Variants in NCAM2 observed in about 807,000 individuals in gnomAD.
NCAM2 encodes the protein N-CAM-2.
NCAM2 carries 30 observed loss-of-function variants against 98.1 expected under a neutral mutation model. The observed-to-expected ratio is 0.31, with a 90% CI of 0.23 to 0.41. The LOEUF (loss-of-function observed/expected upper bound fraction) is 0.41, where lower values mean the gene tolerates loss of function less well. NCAM2 is among the 10% of genes least tolerant of loss of function. NCAM2 has a pLI of 1.00. For synonymous variants in NCAM2, 368 were observed against 342.4 expected (o/e 1.07, Z -0.83); for missense variants, 867 against 1,005.8 (o/e 0.86, Z 1.87).
At chr21:21,450,249 A>G (rs972860704) in intron 12 of NCAM2, among the ~76,000 whole-genome samples, 15 of 151,956 alleles carry the variant, frequency 9.9e-5, no homozygotes, top group Non-Finnish European at 1.9e-4. Context: ...ATATATGTAT[A>G]TGTATGTATG....
chr21:21,452,762 T>C (rs233790), intron 12 of NCAM2, among the ~76,000 whole-genome samples: 3,416 of 101,872 alleles, frequency 0.034, 206 homozygotes, highest in African/African-American at 0.13. Flanking sequence ...TATATTACTT[T>C]ATGTATTAAA....
intron 16 of NCAM2, among the ~76,000 whole-genome samples, chr21:21,514,126 TA>T (rs1988564208): frequency 6.6e-6 from 1 of 150,866 alleles, no homozygotes; most frequent in East Asian, 1.9e-4. Flanking sequence ...CATAAACCTA[TA>T]TATGGTATAA....
chr21:21,061,354 T>C (rs2065317860), intron 1 of NCAM2, among the ~76,000 whole-genome samples: 2 of 152,306 alleles, frequency 1.3e-5, no homozygotes, highest in South Asian at 4.1e-4. Context: ...TGAACACATA[T>C]TTTCTGTCAT....
At chr21:21,385,553 G>T in intron 9 of NCAM2, 2 of 860,770 alleles carry the variant, frequency 2.3e-6, no homozygotes, top group South Asian at 1.4e-5. Context: ...CTAAACTTAA[G>T]GTGTTAGAAA....
chr21:21,194,824 A>G (rs1232046671), intron 1 of NCAM2, among the ~76,000 whole-genome samples: 1 of 152,212 alleles, frequency 6.6e-6, no homozygotes, highest in African/African-American at 2.4e-5. Flanking sequence ...CCTAACATCC[A>G]TCACCACTCA....
At chr21:21,505,831 G>A (rs947525739) in intron 15 of NCAM2, among the ~76,000 whole-genome samples, 5 of 151,940 alleles carry the variant, frequency 3.3e-5, no homozygotes, top group Admixed American at 2.0e-4. Flanking sequence ...AAGTGCTGGA[G>A]GTTAAGTACA....
At chr21:21,075,489 T>C (rs1487848970) in intron 1 of NCAM2, among the ~76,000 whole-genome samples, 1 of 152,190 alleles carries the variant, frequency 6.6e-6, no homozygotes, top group Non-Finnish European at 1.5e-5. Context: ...TTGGCTTTAG[T>C]GCAACATTGA....
At chr21:21,306,320 A>C (rs75248834) in intron 5 of NCAM2, among the ~76,000 whole-genome samples, 2,615 of 152,196 alleles carry the variant, frequency 0.017, 74 homozygotes, top group African/African-American at 0.06. Context: ...ATTTCTTTTC[A>C]CAGTTCTGTC....
chr21:21,401,287 C>A (rs915022684), intron 9 of NCAM2, among the ~76,000 whole-genome samples: 3 of 240 alleles, frequency 0.013, no homozygotes, highest in Admixed American at 0.077. Flanking sequence ...TGTTTAAATT[C>A]TTCACCTCAC....
At chr21:21,379,548 A>G (rs2076106136) in intron 9 of NCAM2, among the ~76,000 whole-genome samples, 1 of 151,968 alleles carries the variant, frequency 6.6e-6, no homozygotes, top group Non-Finnish European at 1.5e-5. Flanking sequence ...TAACTTTCAG[A>G]TATTTGGATT....
At chr21:21,428,055 T>C (rs1459091496) in intron 11 of NCAM2, among the ~76,000 whole-genome samples, 1 of 152,238 alleles carries the variant, frequency 6.6e-6, no homozygotes, top group African/African-American at 2.4e-5. Flanking sequence ...AGGCCAGGTC[T>C]TGAATCCATG....
intron 16 of NCAM2, among the ~76,000 whole-genome samples, chr21:21,528,439 T>C (rs1989446534): frequency 6.6e-6 from 1 of 152,124 alleles, no homozygotes; most frequent in South Asian, 2.1e-4. Flanking sequence ...GCTATGCGTG[T>C]GTGGGAGCAG....
At position 21,357,023 on chromosome 21, in the gene NCAM2, A is replaced by AAATAAATG. The variant is rs548233793; in HGVS notation, c.1045-16837_1045-16836insAAATGAAT. 6.2e-3 allele frequency among the ~76,000 whole-genome samples: 907 copies of AAATAAATG among 146,702 alleles called. 7 individuals are homozygous for AAATAAATG. The highest frequency in any genetic ancestry group is 0.021 in the African/African-American group (845 of 40,496). Reference sequence around the variant, plus strand: ...TAAATAAATAAATAAATAAATAAATAAATGTTTCTTGCTTCATGGTCCATG... The same window carrying AAATAAATG: ...TAAATAAATAAATAAATAAATAAATAAATAAATGAATGTTTCTTGCTTCATGGTCCATG... On this transcript the variant is annotated intron_variant, in intron 8 of 17. Transcript: ENST00000400546.
intron 1 of NCAM2, among the ~76,000 whole-genome samples, chr21:21,026,842 T>C (rs977502636): frequency 1.3e-5 from 2 of 150,804 alleles, no homozygotes; most frequent in Non-Finnish European, 2.9e-5. Flanking sequence ...AAATGTTTTC[T>C]TTTCTTCTTC....
intron 5 of NCAM2, among the ~76,000 whole-genome samples, chr21:21,308,070 T>TATAC (rs2073938685): frequency 6.6e-6 from 1 of 150,970 alleles, no homozygotes; most frequent in Non-Finnish European, 1.5e-5. Flanking sequence ...CATACACACA[T>TATAC]ACACACACAC....
At chr21:21,155,165 T>C (rs1006578136) in intron 1 of NCAM2, among the ~76,000 whole-genome samples, 5 of 150,938 alleles carry the variant, frequency 3.3e-5, no homozygotes, top group African/African-American at 9.7e-5. Context: ...GGAACTATGA[T>C]GGATATTGGT....
At chr21:21,036,113 AT>A (rs1240673039) in intron 1 of NCAM2, among the ~76,000 whole-genome samples, 1 of 152,190 alleles carries the variant, frequency 6.6e-6, no homozygotes, top group Admixed American at 6.5e-5. Flanking sequence ...AAAAGATTGA[AT>A]TTAGAATTTG....
intron 1 of NCAM2, among the ~76,000 whole-genome samples, chr21:21,034,566 T>G (rs1221318665): frequency 1.3e-5 from 2 of 152,202 alleles, no homozygotes; most frequent in Non-Finnish European, 2.9e-5. Context: ...AGGACAGTTT[T>G]AATTTCTAAT....
At chr21:21,142,181 A>G (rs1044393605) in intron 1 of NCAM2, among the ~76,000 whole-genome samples, 1 of 152,148 alleles carries the variant, frequency 6.6e-6, no homozygotes, top group African/African-American at 2.4e-5. Context: ...AACAACTAAT[A>G]TGAATACTAT....
Sources: gnomAD v4.1 joint callset for allele counts (sites outside exome capture counted in the v4.1 genomes callset) on GRCh38, gnomAD v4.1.1 for gene constraint, MANE v1.5 for transcripts, NCBI Gene and HGNC (gene_info 2026-07-23, HGNC 2026-07-21) for gene names.